Variants in ANXA4 observed in about 807,000 individuals in gnomAD.
ANXA4 encodes 35-beta calcimedin.
A neutral mutation model predicts 49.8 loss-of-function variants in ANXA4; 39 were observed. The observed-to-expected ratio is 0.78, with a 90% CI of 0.61 to 1.02. The LOEUF (loss-of-function observed/expected upper bound fraction) is 1.02. Among genes scored for constraint, ANXA4 ranks in the 50% least tolerant of loss-of-function variants. The pLI is 0.00. For missense variants in ANXA4, 360 were observed against 410.1 expected (o/e 0.88, Z 1.05); for synonymous variants, 134 against 152.5 (o/e 0.88, Z 0.89).
chr2:69,827,026 A>T lies in ANXA4; in HGVS notation c.*1511A>T, dbSNP rs1573331177. ...ATAACATAAAATAATGTATGAACTTATTCTCTGGAAATGAGTGATGCCCTC... is the reference window on the plus strand; with the variant it reads ...ATAACATAAAATAATGTATGAACTTTTTCTCTGGAAATGAGTGATGCCCTC... On this transcript the variant is annotated 3_prime_UTR_variant, in exon 13 of 13. Transcript: ENST00000394295. 1 of 152,332 alleles carries T rather than the reference A, an allele frequency of 6.6e-6. No individual in the cohort carries two copies. Among genetic ancestry groups the T allele is most frequent in the East Asian group, 1.9e-4 (1 of 5,190 alleles). The allele number at this position is 152,332 out of a possible 1,614,324, so 9.4% of individuals were successfully genotyped here. A position where few individuals can be genotyped will look rare whatever the true frequency, so the allele number is the denominator to read the frequency against.
chr2:69,692,715 A>T (rs924308407), intron 2 of ANXA4, among the ~76,000 whole-genome samples: 1 of 152,178 alleles, frequency 6.6e-6, no homozygotes, highest in Non-Finnish European at 1.5e-5. Context: ...GATTTCCATA[A>T]ATTCAGTAAT....
intron 2 of ANXA4, among the ~76,000 whole-genome samples, chr2:69,717,402 T>C (rs985698719): frequency 3.3e-5 from 5 of 152,100 alleles, no homozygotes; most frequent in Admixed American, 2.0e-4. Context: ...GCGCCCACCC[T>C]TTAATTGTCA....
chr2:69,740,801 C>A, upstream of ANXA4, among the ~76,000 whole-genome samples: 1 of 149,056 alleles, frequency 6.7e-6, no homozygotes, highest in African/African-American at 2.5e-5. Context: ...CCCACCTCAT[C>A]CGACTGAATA....
intron 2 of ANXA4, among the ~76,000 whole-genome samples, chr2:69,675,482 A>G (rs1474518420): frequency 1.3e-5 from 2 of 152,194 alleles, no homozygotes; most frequent in Admixed American, 1.3e-4. Flanking sequence ...ATGTCATCTC[A>G]ATGTTAAAAC....
chr2:69,654,757 C>T (rs545394832), intron 2 of ANXA4, among the ~76,000 whole-genome samples: 95 of 152,280 alleles, frequency 6.2e-4, no homozygotes, highest in African/African-American at 2.2e-3. Context: ...GGAGGCATCG[C>T]ACTACCTGGC....
At chr2:69,757,260 ATATATATTTTTTTTTTTT>A (rs1239719731) in intron 1 of ANXA4, among the ~76,000 whole-genome samples, 6 of 51,722 alleles carry the variant, frequency 1.2e-4, no homozygotes, top group African/African-American at 4.2e-4. Context: ...ATATATATAT[ATATATATTTTTTTTTTTT>A]TTTTTTTTTT....
chr2:69,724,527 G>T (rs184799132), intron 3 of ANXA4, among the ~76,000 whole-genome samples: 12 of 152,308 alleles, frequency 7.9e-5, no homozygotes, highest in African/African-American at 2.4e-4. Context: ...GGCTAGGGGA[G>T]ATTTAGTGTC....
At chr2:69,681,924 C>T (rs934855669) in intron 2 of ANXA4, among the ~76,000 whole-genome samples, 8 of 151,948 alleles carry the variant, frequency 5.3e-5, no homozygotes, top group African/African-American at 1.9e-4. Context: ...CCAGCCTTGA[C>T]CCTCTGGGCT....
intron 2 of ANXA4, among the ~76,000 whole-genome samples, chr2:69,679,225 C>G (rs1209839386): frequency 6.6e-6 from 1 of 152,140 alleles, no homozygotes; most frequent in Non-Finnish European, 1.5e-5. Flanking sequence ...CAGCCTCAAC[C>G]TCCTGGGCTC....
At chr2:69,658,422 A>G (rs1383871147) in intron 2 of ANXA4, among the ~76,000 whole-genome samples, 3 of 149,802 alleles carry the variant, frequency 2.0e-5, no homozygotes, top group East Asian at 4.2e-4. Flanking sequence ...AAAAAAGCAA[A>G]CAATAGAAGC....
chr2:69,772,184 A>T (rs1325541989), intron 1 of ANXA4, among the ~76,000 whole-genome samples: 3 of 152,230 alleles, frequency 2.0e-5, no homozygotes, highest in African/African-American at 7.2e-5. Flanking sequence ...CATTTTACAG[A>T]TGTAAAAACT....
intron 3 of ANXA4, among the ~76,000 whole-genome samples, chr2:69,736,031 T>C (rs1670235918): frequency 6.6e-6 from 1 of 152,180 alleles, no homozygotes; most frequent in African/African-American, 2.4e-5. Context: ...CTGCTGTACT[T>C]ATATACTCCA....
chr2:69,810,359 G>T lies in ANXA4; in HGVS notation c.398-235G>T, dbSNP rs192096278. Reference sequence around the variant, plus strand: ...CCATCCAGCCTGGGCAACAGAATGAGACTCCATCTCAAAAGAAACAAAACA... The same window carrying T: ...CCATCCAGCCTGGGCAACAGAATGATACTCCATCTCAAAAGAAACAAAACA... On this transcript the variant is annotated intron_variant, in intron 6 of 12. Coordinates refer to ENST00000394295, the MANE Select transcript of ANXA4 (RefSeq NM_001153.5). 423 of 477,172 alleles carry T rather than the reference G, an allele frequency of 8.9e-4. 1 individual carries two copies. Among genetic ancestry groups the T allele is most frequent in the African/African-American group, 7.0e-3 (358 of 51,084 alleles). The allele number at this position is 477,172 out of a possible 1,614,324, so 29.6% of individuals were successfully genotyped here. A position where few individuals can be genotyped will look rare whatever the true frequency, so the allele number is the denominator to read the frequency against.
At chr2:69,808,464 A>T (rs1312810198) in intron 6 of ANXA4, 1 of 154,852 alleles carries the variant, frequency 6.5e-6, no homozygotes, top group East Asian at 1.9e-4. Flanking sequence ...AAGTGCCTTT[A>T]AAAAATGCCT....
intron 8 of ANXA4, among the ~76,000 whole-genome samples, chr2:69,814,049 C>CCGT (rs1673838007): frequency 6.6e-6 from 1 of 151,734 alleles, no homozygotes; most frequent in Non-Finnish European, 1.5e-5. Context: ...TGAGCCACCG[C>CCGT]GCCTGACCAT....
chr2:69,825,507 G>C lies in ANXA4; in HGVS notation c.958G>C (p.Asp320His), dbSNP rs750835066. The change falls in exon 13 of 13, where the codon GAT becomes CAT. Residue 320 changes from aspartate to histidine, a missense_variant. Coordinates refer to ENST00000394295, the MANE Select transcript of ANXA4 (RefSeq NM_001153.5). ...AGTACTGCTTGTTCTCTGTGGAGGA[G>C]ATGATTAAAATAAAAATCCCAGAAG... Reference protein sequence around the residue: ...RKVLLVLCGGDD With the variant: ...RKVLLVLCGGHD 6.2e-7 allele frequency: 1 copy of C among 1,606,554 alleles called. No individual in the cohort carries two copies. Among genetic ancestry groups the C allele is most frequent in the Non-Finnish European group, 8.5e-7 (1 of 1,177,544 alleles).
At chr2:69,729,684 T>C (rs1670047502) in intron 3 of ANXA4, among the ~76,000 whole-genome samples, 1 of 152,240 alleles carries the variant, frequency 6.6e-6, no homozygotes. Context: ...AAGATATCAC[T>C]TCATAGTCAT....
intron 2 of ANXA4, among the ~76,000 whole-genome samples, chr2:69,708,899 C>A (rs1423853068): frequency 6.6e-6 from 1 of 151,826 alleles, no homozygotes; most frequent in South Asian, 2.1e-4. Context: ...TGCCTATAAT[C>A]CCAGCTACCA....
At chr2:69,757,256 ATATATATATATTTTTTTTTT>A (rs1334578142) in intron 1 of ANXA4, among the ~76,000 whole-genome samples, 6 of 50,054 alleles carry the variant, frequency 1.2e-4, no homozygotes, top group African/African-American at 8.8e-4. Context: ...ATATATATAT[ATATATATATATTTTTTTTTT>A]TTTTTTTTTT....
Sources: allele counts gnomAD v4.1 joint callset (sites outside exome capture counted in the v4.1 genomes callset), GRCh38; gene constraint gnomAD v4.1.1; transcripts MANE v1.5; gene names NCBI Gene and HGNC (gene_info 2026-07-23, HGNC 2026-07-21).